The following CEP162 variants were observed in gnomAD, a reference collection of about 807,000 sequenced individuals.
The protein encoded by CEP162 is centrosomal protein of 162 kDa.
CEP162 carries 141 observed loss-of-function variants against 169.2 expected under a neutral mutation model. The ratio of observed to expected loss-of-function variants is 0.83; its 90% CI spans 0.73 to 0.96. The LOEUF is 0.96. Among genes scored for constraint, CEP162 ranks in the 40% least tolerant of loss-of-function variants. CEP162 has a pLI of 0.00. For synonymous variants in CEP162, 540 were observed against 526.4 expected, an observed-to-expected ratio of 1.03 and a Z score of -0.35; for missense variants, 1,600 against 1,587.2, an observed-to-expected ratio of 1.01 and a Z score of -0.14.
chr6:84,153,651 T>C (rs2129203262), intron 22 of CEP162, among the ~76,000 whole-genome samples: 1 of 152,300 alleles, frequency 6.6e-6, no homozygotes, highest in South Asian at 2.1e-4. Flanking sequence ...ACTGGAGCTT[T>C]AATATTTTGT....
intron 19 of CEP162, among the ~76,000 whole-genome samples, 177 bp from the exon 20 acceptor site, chr6:84,162,086 AG>A (rs2099526006): frequency 1.3e-5 from 2 of 152,218 alleles, no homozygotes; most frequent in African/African-American, 4.8e-5. Context: ...TATTAGTCAA[AG>A]GAAATAAGAG....
At chr6:84,125,488 T>G (rs1279588929) in intron 26 of CEP162, among the ~76,000 whole-genome samples, 1 of 152,080 alleles carries the variant, frequency 6.6e-6, no homozygotes, top group Non-Finnish European at 1.5e-5. Flanking sequence ...CAAATTCATA[T>G]GTTGAATTTC....
intron 13 of CEP162, among the ~76,000 whole-genome samples, chr6:84,182,677 G>A (rs534900881): frequency 2.3e-4 from 35 of 152,198 alleles, no homozygotes; most frequent in African/African-American, 6.5e-4. Context: ...GACAGGGTCC[G>A]GAGGCAGAGT....
intron 13 of CEP162, among the ~76,000 whole-genome samples, chr6:84,182,045 T>C (rs1045609561): frequency 6.6e-6 from 1 of 152,104 alleles, no homozygotes; most frequent in Non-Finnish European, 1.5e-5. Flanking sequence ...TTTCTTCTTA[T>C]AGATATAAGT....
intron 25 of CEP162, among the ~76,000 whole-genome samples, chr6:84,137,011 T>C (rs915363236): frequency 5.9e-5 from 9 of 152,204 alleles, no homozygotes; most frequent in Admixed American, 3.3e-4. Flanking sequence ...AGCATGTTGT[T>C]GTGGGAGCCA....
At position 84,149,602 on chromosome 6, in the gene CEP162, G is replaced by C. The variant is rs1004386163; in HGVS notation, c.3731C>G (p.Ser1244Cys). The change falls in exon 24 of 27, where the codon TCC becomes TGC. Residue 1244 changes from serine (S) to cysteine (C), a missense_variant. By Grantham distance (112) the Ser-to-Cys change is moderately radical. Transcript: ENST00000403245. ...TTTACGATTTAGTTCAGCTACTTTG[G>C]AAGAAGAATTTTCTACTGCATTTTG... ...LCQNAVENSS[S>C]KVAELNRKIA... 1 of 1,603,624 alleles carries C rather than the reference G, an allele frequency of 6.2e-7. No homozygotes were observed. The highest frequency in any genetic ancestry group is 8.5e-7 in the Non-Finnish European group (1 of 1,174,708).
chr6:84,206,828 A>AGT (rs2099547341), intron 6 of CEP162, among the ~76,000 whole-genome samples: 1 of 152,194 alleles, frequency 6.6e-6, no homozygotes, highest in Non-Finnish European at 1.5e-5. Context: ...TCCTCTGACA[A>AGT]AGGGCTAATA....
intron 22 of CEP162, among the ~76,000 whole-genome samples, chr6:84,153,641 A>G (rs549833609): frequency 6.6e-6 from 1 of 152,274 alleles, no homozygotes; most frequent in Non-Finnish European, 1.5e-5. Context: ...GAATTTGTAT[A>G]CTGGAGCTTT....
At chr6:84,200,389 A>G (rs2099543997) in intron 9 of CEP162, among the ~76,000 whole-genome samples, 1 of 152,240 alleles carries the variant, frequency 6.6e-6, no homozygotes, top group African/African-American at 2.4e-5. Context: ...GTATTTCAGA[A>G]TTTGGGGATG....
chr6:84,199,145 CTG>C (rs1273438701), intron 9 of CEP162, among the ~76,000 whole-genome samples: 8 of 152,148 alleles, frequency 5.3e-5, no homozygotes, highest in Admixed American at 3.9e-4. Flanking sequence ...CTACTGAAAA[CTG>C]TGCGAGGGGA....
intron 11 of CEP162, among the ~76,000 whole-genome samples, chr6:84,187,048 A>C (rs779163959): frequency 6.6e-6 from 1 of 152,216 alleles, no homozygotes; most frequent in Non-Finnish European, 1.5e-5. Flanking sequence ...AAGAAACTAA[A>C]GAAATAATCA....
chr6:84,143,585 C>T (rs928178540), intron 25 of CEP162, among the ~76,000 whole-genome samples: 15 of 151,170 alleles, frequency 9.9e-5, no homozygotes, highest in South Asian at 6.3e-4. Flanking sequence ...AAAAGGAGAA[C>T]GAAGAACAAA....
chr6:84,222,012 C>T (rs905199836), intron 2 of CEP162, among the ~76,000 whole-genome samples: 1 of 151,500 alleles, frequency 6.6e-6, no homozygotes, highest in East Asian at 1.9e-4. Flanking sequence ...TAGTACCAGG[C>T]ACAATTGCGG....
intron 23 of CEP162, among the ~76,000 whole-genome samples, chr6:84,149,976 T>G (rs1007961858): frequency 6.6e-6 from 1 of 152,144 alleles, no homozygotes; most frequent in Non-Finnish European, 1.5e-5. Context: ...CTACACTTTC[T>G]GAGGGAATCT....
chr6:84,178,788 T>C (rs2099533464), intron 13 of CEP162, among the ~76,000 whole-genome samples: 1 of 152,162 alleles, frequency 6.6e-6, no homozygotes, highest in Non-Finnish European at 1.5e-5. Flanking sequence ...TAGGTATATC[T>C]CCTAATGCTA....
At chr6:84,219,210 A>G (rs773579616) in intron 3 of CEP162, 12 of 1,201,418 alleles carry the variant, frequency 1.0e-5, no homozygotes, top group Non-Finnish European at 1.3e-5. Flanking sequence ...TTTTCATAAT[A>G]ATGCCTAGTA....
rs576815015 is a variant in CEP162 at position 84,133,832 on chromosome 6, C to G, written c.3871-7320G>C. On this transcript the variant is annotated intron_variant, in intron 25 of 26. Transcript: ENST00000403245. ...GCTTCCTGGGTGAGGTGATGCCCTG[C>G]CCTGCTTCGGCTCACACTCCTTGGG... is the stretch of plus-strand genomic sequence containing the variant. Among the ~76,000 whole-genome samples, 97 of 152,318 alleles carry G rather than the reference C, an allele frequency of 6.4e-4. 1 individual carries two copies. Among genetic ancestry groups the G allele is most frequent in the Non-Finnish European group, 1.2e-3 (84 of 68,026 alleles).
chr6:84,154,809 A>G (rs1440595328), intron 22 of CEP162, among the ~76,000 whole-genome samples: 1 of 152,088 alleles, frequency 6.6e-6, no homozygotes, highest in Non-Finnish European at 1.5e-5. Flanking sequence ...CTGTTCTAGC[A>G]CTTGTATTTT....
chr6:84,201,082 T>G (rs993411201), intron 8 of CEP162, among the ~76,000 whole-genome samples, 177 bp from the exon 9 acceptor site: 3 of 152,068 alleles, frequency 2.0e-5, no homozygotes, highest in African/African-American at 7.2e-5. Context: ...ATCGAGACCA[T>G]CCTGGCTAAC....
Sources: gnomAD v4.1 joint callset for allele counts (sites outside exome capture counted in the v4.1 genomes callset) on GRCh38, gnomAD v4.1.1 for gene constraint, MANE v1.5 for transcripts, NCBI Gene and HGNC (gene_info 2026-07-23, HGNC 2026-07-21) for gene names.